The following VPS13B variants were observed in gnomAD, a reference collection of about 807,000 sequenced individuals.
The protein encoded by VPS13B is intermembrane lipid transfer protein VPS13B.
In VPS13B, 285 loss-of-function variants were observed where a neutral mutation model predicts 426.4. The observed-to-expected ratio is 0.67, with a 90% CI of 0.61 to 0.74. The LOEUF is 0.74. VPS13B is among the 30% of genes least tolerant of loss of function. VPS13B has a pLI of 0.00. For missense variants in VPS13B, 4,537 were observed against 4,782.6 expected (o/e 0.95, Z 1.51); for synonymous variants, 1,676 against 1,676.4 (o/e 1.00, Z 0.01).
At chr8:99,323,864 A>T (rs3134309) in intron 19 of VPS13B, among the ~76,000 whole-genome samples, 1 of 152,174 alleles carries the variant, frequency 6.6e-6, no homozygotes. Flanking sequence ...TGATTTATTG[A>T]ATATCTTGGA....
chr8:99,416,607 A>G (rs955989830), intron 21 of VPS13B, among the ~76,000 whole-genome samples: 2 of 152,176 alleles, frequency 1.3e-5, no homozygotes, highest in Non-Finnish European at 2.9e-5. Flanking sequence ...AAAGCATAGT[A>G]TCTGGGTCAG....
At chr8:99,661,780 A>G (rs1386056375) in intron 35 of VPS13B, among the ~76,000 whole-genome samples, 1 of 152,136 alleles carries the variant, frequency 6.6e-6, no homozygotes, top group East Asian at 1.9e-4. Context: ...AATTAACTGT[A>G]TGATCTTAGG....
At chr8:99,548,955 T>C (rs1338103475) in intron 30 of VPS13B, among the ~76,000 whole-genome samples, 2 of 152,042 alleles carry the variant, frequency 1.3e-5, no homozygotes, top group Non-Finnish European at 1.5e-5. Context: ...AAATATAATA[T>C]TTTATTAACT....
At chr8:99,831,076 C>CTTTTTTTTCTTT (rs1554573284) in intron 51 of VPS13B, among the ~76,000 whole-genome samples, 7 of 120,084 alleles carry the variant, frequency 5.8e-5, no homozygotes, top group East Asian at 2.6e-4. Flanking sequence ...GTGTTTTTTT[C>CTTTTTTTTCTTT]TTTTTTTTTT....
chr8:99,442,726 A>C (rs1817735166), intron 23 of VPS13B, 91 bp downstream of exon 23: 3 of 1,303,580 alleles, frequency 2.3e-6, no homozygotes, highest in Non-Finnish European at 3.2e-6. Context: ...TGTATAAGCA[A>C]ATCAGTCTTC....
chr8:99,639,307 A>G (rs909153260), intron 33 of VPS13B, among the ~76,000 whole-genome samples: 5 of 152,190 alleles, frequency 3.3e-5, no homozygotes, highest in African/African-American at 1.2e-4. Flanking sequence ...AAGATCACCA[A>G]GAAGGAAAAG....
Position 99,478,113 on chromosome 8 carries a change from A to G in VPS13B, c.3667-3486A>G, listed in dbSNP as rs185150484. Among the ~76,000 whole-genome samples the G allele has an allele frequency of 1.5e-4, 23 of 151,504 alleles. 1 individual carries two copies. In the East Asian group the frequency reaches 4.3e-3, roughly 28 times the overall value. ...AAAAAAAAAAAGAAAAAAGAAGCCC[A>G]TAGAATCTTTTTTTTTTTTAATGTG... On this transcript the variant is annotated intron_variant, in intron 24 of 61. Coordinates refer to ENST00000357162, the MANE Select transcript of VPS13B (RefSeq NM_152564.5).
At chr8:99,274,939 ACT>A (rs899532030) in intron 18 of VPS13B, 140 bp from the exon 19 acceptor site, 2 of 707,336 alleles carry the variant, frequency 2.8e-6, no homozygotes, top group Non-Finnish European at 4.2e-6. Flanking sequence ...ATTTTATGAG[ACT>A]CAGTATAATT....
At chr8:99,556,932 G>A (rs1824608808) in intron 31 of VPS13B, among the ~76,000 whole-genome samples, 1 of 151,460 alleles carries the variant, frequency 6.6e-6, no homozygotes, top group South Asian at 2.1e-4. Context: ...TCAGGCTAAA[G>A]GATACACATT....
At chr8:99,229,093 T>C (rs1342642337) in intron 17 of VPS13B, among the ~76,000 whole-genome samples, 15 of 152,152 alleles carry the variant, frequency 9.9e-5, no homozygotes, top group Admixed American at 9.8e-4. Context: ...AAGTTGACCC[T>C]GTGATGGAAT....
intron 38 of VPS13B, 26 bp from the exon 39 acceptor site, chr8:99,720,837 C>T: frequency 6.3e-7 from 1 of 1,588,176 alleles, no homozygotes; most frequent in Non-Finnish European, 8.6e-7. Context: ...TTAAATCATA[C>T]AATTAATTAT....
chr8:99,117,989 C>T (rs537520065), intron 7 of VPS13B, among the ~76,000 whole-genome samples: 2 of 152,140 alleles, frequency 1.3e-5, no homozygotes, highest in African/African-American at 4.8e-5. Context: ...TAGAGAACAA[C>T]ATTAATCAGA....
Position 99,870,848 on chromosome 8 carries a change from A to T in VPS13B, c.11456A>T (p.His3819Leu). The change falls in exon 60 of 62, where the codon CAT becomes CTT. Residue 3819 changes from histidine to leucine, a missense_variant. Coordinates refer to ENST00000357162, the MANE Select transcript of VPS13B (RefSeq NM_152564.5). Reference protein sequence around the residue: ...PKQRHQPSDLHADQAPNSHVK... With the variant: ...PKQRHQPSDLLADQAPNSHVK... ...CAGCGCCATCAGCCAAGTGATCTAC[A>T]TGCTGACCAGGCTCCAAACAGCCAT... 1 of 1,614,216 alleles carries T rather than the reference A, an allele frequency of 6.2e-7. No homozygotes were observed. The highest frequency in any genetic ancestry group is 8.5e-7 in the Non-Finnish European group (1 of 1,180,030).
chr8:99,713,943 C>T (rs1281114863), intron 36 of VPS13B, among the ~76,000 whole-genome samples: 9 of 152,166 alleles, frequency 5.9e-5, no homozygotes, highest in South Asian at 2.1e-4. Context: ...AATTTGAGAC[C>T]AGCCTGGCCA....
chr8:99,585,282 T>C (rs76689843), intron 33 of VPS13B, among the ~76,000 whole-genome samples: 2 of 152,180 alleles, frequency 1.3e-5, no homozygotes, highest in East Asian at 3.8e-4. Flanking sequence ...GTTTATAGAC[T>C]TGAATGAATG....
rs187046310 is a variant in VPS13B, at chr8:99,707,407, C to T, written c.6454+7475C>T. The stretch of plus-strand genomic sequence containing the variant: ...GTAAATATTGGTCTTTGTATATATT[C>T]CTTTCCCCAAAATCACACCACATGA... On this transcript the variant is annotated intron_variant, in intron 36 of 61. Transcript: ENST00000357162. Among the ~76,000 whole-genome samples the T allele has an allele frequency of 9.9e-5, 15 of 152,230 alleles. No homozygotes were observed. The East Asian group carries it at 2.5e-3, about 25-fold the overall frequency.
intron 19 of VPS13B, among the ~76,000 whole-genome samples, chr8:99,319,092 A>C (rs990136891): frequency 5.3e-5 from 8 of 152,188 alleles, no homozygotes; most frequent in Non-Finnish European, 1.2e-4. Context: ...GGGAGAAATA[A>C]AAGGAAAGTA....
At chr8:99,233,311 T>G in intron 17 of VPS13B, 2 of 1,117,740 alleles carry the variant, frequency 1.8e-6, no homozygotes, top group South Asian at 1.2e-5. Flanking sequence ...CACTCTGATA[T>G]GGGCTTCCAG....
chr8:99,774,249 C>T (rs1239489396), intron 40 of VPS13B, among the ~76,000 whole-genome samples: 1 of 152,108 alleles, frequency 6.6e-6, no homozygotes, highest in Non-Finnish European at 1.5e-5. Context: ...ATAAATTAAC[C>T]TAGTAACCAT....
Sources: allele counts gnomAD v4.1 joint callset (sites outside exome capture counted in the v4.1 genomes callset), GRCh38; gene constraint gnomAD v4.1.1; transcripts MANE v1.5; gene names NCBI Gene and HGNC (gene_info 2026-07-23, HGNC 2026-07-21).